DDAH1: variants seen among roughly 807,000 people sequenced by gnomAD.
DDAH1 encodes the protein N(G),N(G)-dimethylarginine dimethylaminohydrolase 1.
Under a neutral mutation model 28.8 loss-of-function variants are expected in DDAH1, and 19 were observed. That is an observed-to-expected ratio of 0.66 (90% CI 0.46 to 0.97). The LOEUF (loss-of-function observed/expected upper bound fraction) is 0.97, where lower values mean the gene tolerates loss of function less well. Among genes scored for constraint, DDAH1 ranks in the 50% least tolerant of loss-of-function variants. The pLI, the probability that DDAH1 is intolerant of heterozygous loss-of-function variation, is 0.00. For missense variants in DDAH1, 326 were observed against 375.9 expected (o/e 0.87, Z 1.10); for synonymous variants, 153 against 154.4 (o/e 0.99, Z 0.07).
intron 1 of DDAH1, among the ~76,000 whole-genome samples, chr1:85,532,744 C>G (rs1303698315): frequency 6.6e-6 from 1 of 152,114 alleles, no homozygotes; most frequent in Non-Finnish European, 1.5e-5. Flanking sequence ...CTGGGGTTCA[C>G]AGAGCAAAGC....
intron 1 of DDAH1, among the ~76,000 whole-genome samples, chr1:85,431,990 G>C (rs569865652): frequency 3.9e-5 from 6 of 152,172 alleles, no homozygotes; most frequent in Non-Finnish European, 8.8e-5. Context: ...CAAACATGAT[G>C]AGCTTTACAG....
At chr1:85,399,333 A>G (rs1651962794) in intron 1 of DDAH1, 1 of 152,274 alleles carries the variant, frequency 6.6e-6, no homozygotes, top group African/African-American at 2.4e-5. Context: ...AAATAAATGC[A>G]TGATGATGAG....
intron 1 of DDAH1, among the ~76,000 whole-genome samples, chr1:85,547,452 T>C (rs1658661441): frequency 6.6e-6 from 1 of 152,210 alleles, no homozygotes; most frequent in Non-Finnish European, 1.5e-5. Context: ...CCTGATTCCT[T>C]ATTCAGTGTT....
chr1:85,404,598 A>AT, intron 1 of DDAH1: 1 of 1,251,882 alleles, frequency 8.0e-7, no homozygotes. Flanking sequence ...AATACAGAGC[A>AT]TGTCTGCTGA....
chr1:85,464,605 C>CAG lies in DDAH1; in HGVS notation c.303+137_303+138insCT. 6.5e-7 allele frequency: 1 copy of CAG among 1,526,876 alleles called. No individual in the cohort carries two copies. Among genetic ancestry groups the CAG allele is most frequent in the East Asian group, 2.5e-5 (1 of 40,596 alleles). The allele number at this position is 1,526,876 out of a possible 1,614,324, so 94.6% of individuals were successfully genotyped here. A position where few individuals can be genotyped will look rare whatever the true frequency, so the allele number is the denominator to read the frequency against. On this transcript the variant is annotated intron_variant, in intron 1 of 5. Coordinates refer to ENST00000284031, the MANE Select transcript of DDAH1 (RefSeq NM_012137.4). The surrounding 1 kb of genome is among the most constrained non-coding windows in gnomAD (Gnocchi z 4.4). ...TGACTCTCTGACACACACACACACA[C>CAG]ACACACTCGCCCCCCGACGGGAAGT... is the stretch of plus-strand genomic sequence containing the variant.
intron 1 of DDAH1, among the ~76,000 whole-genome samples, chr1:85,401,068 G>A (rs564033112): frequency 1.3e-5 from 2 of 152,226 alleles, no homozygotes; most frequent in South Asian, 4.2e-4. Flanking sequence ...TATATAATAC[G>A]AGAACATTGG....
chr1:85,353,203 A>C lies in DDAH1; in HGVS notation c.404-1624T>G, dbSNP rs539112598. On this transcript the variant is annotated intron_variant, in intron 2 of 5. Transcript: ENST00000284031. ...TAGATAAAAATGGTCTCTTAGTTAT[A>C]GGCAAATAATTATAGTATGGAGTTA... 8.2e-4 allele frequency among the ~76,000 whole-genome samples: 125 copies of C among 152,308 alleles called. 1 individual carries two copies. The Middle Eastern group carries it at 0.01, about 12-fold the overall frequency.
intron 1 of DDAH1, among the ~76,000 whole-genome samples, chr1:85,367,257 C>G (rs191423103): frequency 6.6e-6 from 1 of 152,270 alleles, no homozygotes; most frequent in East Asian, 1.9e-4. Flanking sequence ...GACACAGGGT[C>G]AAGTCATTCT....
At chr1:85,552,922 C>A (rs1236663862) in intron 1 of DDAH1, among the ~76,000 whole-genome samples, 1 of 151,864 alleles carries the variant, frequency 6.6e-6, no homozygotes, top group African/African-American at 2.4e-5. Context: ...TCTGGGATGG[C>A]CTTATGACTG....
intron 3 of DDAH1, 149 bp from the exon 4 acceptor site, chr1:85,350,683 T>C (rs1649147739): frequency 1.1e-6 from 1 of 946,028 alleles, no homozygotes; most frequent in East Asian, 2.6e-5. Context: ...GATTTGGATA[T>C]TGCTAGTTAA....
intron 1 of DDAH1, among the ~76,000 whole-genome samples, chr1:85,428,811 C>T (rs781352120): frequency 7.2e-5 from 11 of 151,948 alleles, no homozygotes; most frequent in Non-Finnish European, 5.9e-5. Context: ...AGGATAAGAA[C>T]GCTGCTGGAT....
intron 1 of DDAH1, among the ~76,000 whole-genome samples, chr1:85,573,758 C>T (rs1053911963): frequency 2.6e-5 from 4 of 152,198 alleles, no homozygotes; most frequent in Non-Finnish European, 5.9e-5. Context: ...TTGTAAAAAG[C>T]CAATTCCAAT....
intron 4 of DDAH1, 90 bp from the exon 5 acceptor site, chr1:85,324,973 A>G (rs1276917870): frequency 3.4e-6 from 5 of 1,491,632 alleles, no homozygotes; most frequent in Non-Finnish European, 4.6e-6. Context: ...CAAGCTTGGA[A>G]CTGACACTTT....
intron 1 of DDAH1, among the ~76,000 whole-genome samples, chr1:85,382,259 G>A (rs766403851): frequency 7.2e-5 from 11 of 152,184 alleles, no homozygotes; most frequent in Non-Finnish European, 1.5e-4. Context: ...TATGGAGAAA[G>A]TTTTAGTGGT....
chr1:85,425,938 A>T (rs934792685), intron 1 of DDAH1, among the ~76,000 whole-genome samples: 1 of 152,324 alleles, frequency 6.6e-6, no homozygotes, highest in South Asian at 2.1e-4. Flanking sequence ...TGTGATAAGC[A>T]CTAGTCTAGC....
At chr1:85,376,653 G>A (rs1055166079) in intron 1 of DDAH1, 2 of 151,030 alleles carry the variant, frequency 1.3e-5, no homozygotes, top group African/African-American at 4.9e-5. Context: ...AATCAAGCTG[G>A]AGAAAAGTGA....
At chr1:85,419,363 GC>G (rs1653027522) in intron 1 of DDAH1, among the ~76,000 whole-genome samples, 1 of 151,562 alleles carries the variant, frequency 6.6e-6, no homozygotes. Flanking sequence ...ATATGATGAA[GC>G]CCTGTCTCTA....
intron 4 of DDAH1, among the ~76,000 whole-genome samples, chr1:85,348,479 C>G (rs1239605547): frequency 6.6e-6 from 1 of 152,216 alleles, no homozygotes; most frequent in Admixed American, 6.5e-5. Flanking sequence ...CCTGCCCCTT[C>G]CACCTGTACC....
intron 1 of DDAH1, among the ~76,000 whole-genome samples, chr1:85,437,514 A>G (rs935353743): frequency 2.0e-5 from 3 of 152,178 alleles, no homozygotes; most frequent in Non-Finnish European, 4.4e-5. Context: ...CTTAATGAAC[A>G]GTAAATATAT....
Sources: gnomAD v4.1 joint callset for allele counts (sites outside exome capture counted in the v4.1 genomes callset) on GRCh38, gnomAD v4.1.1 for gene constraint, Gnocchi (gnomAD v3.1) non-coding constraint, MANE v1.5 for transcripts, NCBI Gene and HGNC (gene_info 2026-07-23, HGNC 2026-07-21) for gene names.